The following FAM169A variants were observed in gnomAD, a reference collection of about 807,000 sequenced individuals.
FAM169A encodes the protein soluble lamin-associated protein of 75 kDa.
In FAM169A, 24 loss-of-function variants were observed where a neutral mutation model predicts 75.7. That is an observed-to-expected ratio of 0.32 (90% CI 0.23 to 0.45). The LOEUF (loss-of-function observed/expected upper bound fraction) is 0.45, where lower values mean the gene tolerates loss of function less well. FAM169A is among the 20% of genes least tolerant of loss of function. The pLI is 1.00. For missense variants in FAM169A, 673 were observed against 784.0 expected (o/e 0.86, Z 1.69); for synonymous variants, 271 against 271.0 (o/e 1.00, Z 0.00).
chr5:74,810,556 T>C (rs1410148395), intron 6 of FAM169A, among the ~76,000 whole-genome samples: 1 of 151,908 alleles, frequency 6.6e-6, no homozygotes, highest in East Asian at 2.0e-4. Context: ...GAGACCATCC[T>C]GGCTAACACA....
At chr5:74,796,853 T>C (rs1746304317) in intron 10 of FAM169A, among the ~76,000 whole-genome samples, 1 of 152,216 alleles carries the variant, frequency 6.6e-6, no homozygotes, top group Admixed American at 6.5e-5. Flanking sequence ...TTATTAATAA[T>C]GCTCCTTTCA....
intron 8 of FAM169A, among the ~76,000 whole-genome samples, chr5:74,802,106 C>T (rs1243432662): frequency 6.6e-6 from 1 of 151,616 alleles, no homozygotes; most frequent in Non-Finnish European, 1.5e-5. Flanking sequence ...AATGACGATT[C>T]AGTCAGTCAT....
At chr5:74,862,893 C>G (rs893606030) in intron 1 of FAM169A, among the ~76,000 whole-genome samples, 8 of 152,082 alleles carry the variant, frequency 5.3e-5, no homozygotes, top group African/African-American at 1.2e-4. Flanking sequence ...GACTCCGTGA[C>G]AGTAGGGCCT....
intron 1 of FAM169A, 116 bp downstream of exon 1, chr5:74,866,049 G>T: frequency 2.4e-6 from 1 of 416,828 alleles, no homozygotes; most frequent in Non-Finnish European, 3.2e-6. Flanking sequence ...CCCACAGCCG[G>T]TGGCCCGCGT....
chr5:74,842,125 AT>A (rs142679487), intron 1 of FAM169A, among the ~76,000 whole-genome samples: 12,654 of 151,482 alleles, frequency 0.084, 634 homozygotes, highest in East Asian at 0.16. Context: ...AAAAAAAAAA[AT>A]CTAAAAAAAA....
intron 1 of FAM169A, among the ~76,000 whole-genome samples, chr5:74,849,256 G>T (rs1339151688): frequency 1.3e-5 from 2 of 151,958 alleles, no homozygotes; most frequent in African/African-American, 2.4e-5. Flanking sequence ...TTGACAGAAT[G>T]GATAACCTTA....
At chr5:74,854,527 G>A (rs1433297628) in intron 1 of FAM169A, among the ~76,000 whole-genome samples, 1 of 152,056 alleles carries the variant, frequency 6.6e-6, no homozygotes, top group Admixed American at 6.5e-5. Context: ...ACACTGTTGA[G>A]CTGTCAAGTG....
chr5:74,785,672 G>T (rs1004925506), intron 11 of FAM169A, among the ~76,000 whole-genome samples: 2 of 152,128 alleles, frequency 1.3e-5, no homozygotes, highest in African/African-American at 4.8e-5. Context: ...TAAAGCATGA[G>T]AATCGCTTAA....
intron 5 of FAM169A, among the ~76,000 whole-genome samples, chr5:74,829,700 G>A (rs552801351): frequency 2.6e-5 from 4 of 152,212 alleles, no homozygotes; most frequent in South Asian, 2.1e-4. Flanking sequence ...CCCGACAGGC[G>A]TGGTGACTCA....
At position 74,841,716 on chromosome 5, in the gene FAM169A, T is replaced by C. The variant is rs2044409; in HGVS notation, c.-3-37A>G. 11,727 of 1,552,526 alleles carry C rather than the reference T, an allele frequency of 7.6e-3. 852 individuals are homozygous for C. The Admixed American group carries it at 0.14, about 19-fold the overall frequency. On this transcript the variant is annotated intron_variant, in intron 1 of 12. Transcript: ENST00000687041. ...AACATGGAACAAACAATTCAGAATATGAAACGCCATCTTCCTTTACTCACA... is the reference window on the plus strand; with the variant it reads ...AACATGGAACAAACAATTCAGAATACGAAACGCCATCTTCCTTTACTCACA...
intron 1 of FAM169A, among the ~76,000 whole-genome samples, chr5:74,846,001 C>G (rs779961692): frequency 6.6e-6 from 1 of 152,072 alleles, no homozygotes; most frequent in Non-Finnish European, 1.5e-5. Flanking sequence ...ATTATAAACA[C>G]GAAACAAATG....
chr5:74,785,204 AG>A (rs1745634601), intron 11 of FAM169A, among the ~76,000 whole-genome samples: 1 of 151,992 alleles, frequency 6.6e-6, no homozygotes, highest in Non-Finnish European at 1.5e-5. Context: ...CTGTAATCCC[AG>A]GTACTCGGGA....
chr5:74,786,381 G>C (rs1745695499), intron 11 of FAM169A, among the ~76,000 whole-genome samples: 1 of 152,088 alleles, frequency 6.6e-6, no homozygotes, highest in Admixed American at 6.5e-5. Flanking sequence ...TAGGTTTTGG[G>C]GTTTCTGAAG....
chr5:74,813,790 C>T (rs1343891347), intron 6 of FAM169A, 50 bp downstream of exon 6: 9 of 1,337,860 alleles, frequency 6.7e-6, no homozygotes, highest in Middle Eastern at 1.9e-4. Flanking sequence ...AGAAACAAGT[C>T]GGAAGTGACA....
intron 5 of FAM169A, among the ~76,000 whole-genome samples, chr5:74,815,187 TTC>T (rs1254109764): frequency 7.9e-6 from 1 of 126,798 alleles, no homozygotes; most frequent in African/African-American, 4.3e-5. Context: ...TTTATTTTTT[TTC>T]TTTTTTCTTT....
At chr5:74,839,120 T>C (rs1356236823) in intron 3 of FAM169A, 70 bp from the exon 4 acceptor site, 1 of 1,061,650 alleles carries the variant, frequency 9.4e-7, no homozygotes, top group Non-Finnish European at 1.5e-6. Flanking sequence ...AAGGCCATAT[T>C]GTACTATAAA....
intron 6 of FAM169A, among the ~76,000 whole-genome samples, chr5:74,811,415 G>C (rs565922684): frequency 6.6e-6 from 1 of 152,136 alleles, no homozygotes; most frequent in Non-Finnish European, 1.5e-5. Flanking sequence ...AGTAATTAGG[G>C]GGTAATGCAT....
At chr5:74,818,797 C>CTATA (rs1297081439) in intron 5 of FAM169A, among the ~76,000 whole-genome samples, 168 of 136,278 alleles carry the variant, frequency 1.2e-3, no homozygotes, top group East Asian at 3.4e-3. Flanking sequence ...CTCTCTCTCT[C>CTATA]TCTCTCTATA....
chr5:74,805,042 C>G, intron 7 of FAM169A, 114 bp downstream of exon 7: 1 of 853,536 alleles, frequency 1.2e-6, no homozygotes. Context: ...ACTCTGGACT[C>G]TAAGACACAA....
Sources: allele counts gnomAD v4.1 joint callset (sites outside exome capture counted in the v4.1 genomes callset), GRCh38; gene constraint gnomAD v4.1.1; transcripts MANE v1.5; gene names NCBI Gene and HGNC (gene_info 2026-07-23, HGNC 2026-07-21).